ARHGAP30: variants seen among roughly 807,000 people sequenced by gnomAD.
ARHGAP30 encodes rho GTPase-activating protein 30.
In ARHGAP30, 23 loss-of-function variants were observed where a neutral mutation model predicts 72.0. That is an observed-to-expected ratio of 0.32 (90% CI 0.23 to 0.45). The LOEUF (loss-of-function observed/expected upper bound fraction) is 0.45, where lower values mean the gene tolerates loss of function less well. ARHGAP30 is among the 20% of genes least tolerant of loss of function. The pLI is 1.00. For missense variants in ARHGAP30, 1,319 were observed against 1,383.4 expected, an observed-to-expected ratio of 0.95 and a Z score of 0.74; for synonymous variants, 576 against 528.2, an observed-to-expected ratio of 1.09 and a Z score of -1.24.
intron 1 of ARHGAP30, among the ~76,000 whole-genome samples, chr1:161,063,086 T>G (rs1304202212): frequency 6.6e-6 from 1 of 152,236 alleles, no homozygotes; most frequent in African/African-American, 2.4e-5. Context: ...GTGCTGGGAT[T>G]ACAGGCGTGA....
chr1:161,047,860 G>T lies in ARHGAP30; in HGVS notation c.3161C>A (p.Ser1054Tyr), dbSNP rs1281167999. 2 of 1,611,674 alleles carry T rather than the reference G, an allele frequency of 1.2e-6. No homozygotes were observed. Among genetic ancestry groups the T allele is most frequent in the Non-Finnish European group, 1.7e-6 (2 of 1,179,042 alleles). The change falls in exon 12 of 12, where the codon TCT becomes TAT. Residue 1054 changes from serine (S) to tyrosine (Y), a missense_variant. Ser to Tyr is a moderately radical substitution (Grantham distance 144). Coordinates refer to ENST00000368013, the MANE Select transcript of ARHGAP30 (RefSeq NM_001025598.2). Reference sequence around the variant, plus strand: ...GGATCCAGACCCTTCTGCACCTTCAGATGGGAGCTCCAGGCAGCTAAGGGG... The same window carrying T: ...GGATCCAGACCCTTCTGCACCTTCATATGGGAGCTCCAGGCAGCTAAGGGG... ...PRPLSCLELP[S>Y]EGAEGSGSRS...
rs775137758 is a variant in ARHGAP30 at position 161,047,841 on chromosome 1, A to C, written c.3180T>G (p.Ser1060=). 4 of 1,611,582 alleles carry C rather than the reference A, an allele frequency of 2.5e-6. No individual in the cohort carries two copies. The highest frequency in any genetic ancestry group is 1.1e-5 in the South Asian group (1 of 90,720). Residue 1060 remains serine (S), a synonymous_variant, in exon 12 of 12, where the codon TCT becomes TCG. Coordinates refer to ENST00000368013, the MANE Select transcript of ARHGAP30 (RefSeq NM_001025598.2). ...GCAGACTAAGACGACTCCGGGATCC[A>C]GACCCTTCTGCACCTTCAGATGGGA... is the stretch of plus-strand genomic sequence containing the variant. ...LELPSEGAEG[S]GSRSRLSLPP... is the part of the protein sequence containing the mutation.
At chr1:161,064,795 G>GAA (rs1171701383) in intron 1 of ARHGAP30, among the ~76,000 whole-genome samples, 3 of 56,202 alleles carry the variant, frequency 5.3e-5, no homozygotes, top group Non-Finnish European at 9.6e-5. Flanking sequence ...AAGAAAGAAA[G>GAA]AAAGAAAGAA....
rs773189490 is a variant in ARHGAP30, at chr1:161,048,178, T to C, written c.2843A>G (p.Lys948Arg). Reference protein sequence around the residue: ...PVVPPKPQFAKMPSAMCSKIH... With the variant: ...PVVPPKPQFARMPSAMCSKIH... ...CTTGCTACACATTGCACTGGGCATC[T>C]TGGCAAACTGTGGCTTGGGGGGCAC... The change falls in exon 12 of 12, where the codon AAG becomes AGG. Residue 948 changes from lysine to arginine, a missense_variant. Lys to Arg is a conservative substitution (Grantham distance 26). Around this residue, in one of 2 missense-constraint regions of ARHGAP30, gnomAD observed 1,097 missense variants for 1,045.2 expected, o/e 1.05. Transcript: ENST00000368013. 2 of 1,614,198 alleles carry C rather than the reference T, an allele frequency of 1.2e-6. No homozygotes were observed. Among genetic ancestry groups the C allele is most frequent in the East Asian group, 2.2e-5 (1 of 44,884 alleles).
chr1:161,059,145 C>T (rs1295201332), intron 2 of ARHGAP30, among the ~76,000 whole-genome samples: 1 of 151,894 alleles, frequency 6.6e-6, no homozygotes, highest in Non-Finnish European at 1.5e-5. Context: ...TCTCCTGCCT[C>T]AGCCTCCCAA....
At chr1:161,059,777 A>C in intron 1 of ARHGAP30, 61 bp from the exon 2 acceptor site, 1 of 1,421,444 alleles carries the variant, frequency 7.0e-7, no homozygotes. Flanking sequence ...CAAAGACTGC[A>C]CTGGGTCTGA....
In ARHGAP30 at chr1:161,052,726, G is replaced by T; in HGVS notation, c.736C>A (p.Pro246Thr). The T allele has an allele frequency of 6.2e-7, 1 of 1,612,578 alleles. No homozygotes were observed. Among genetic ancestry groups the T allele is most frequent in the Non-Finnish European group, 8.5e-7 (1 of 1,179,996 alleles). ...GGCAGGTGATAAGGCAGTGGCCTGG[G>T]CATAAGGTCCTCGGGGCTGCCTGAT... The part of the protein sequence containing the change: ...RASGSPEDLM[P>T]RPLPYHLPSI... The change falls in exon 7 of 12, where the codon CCC (proline) becomes ACC (threonine). Residue 246 changes from proline (P) to threonine (T), a missense_variant. Pro to Thr is a conservative substitution (Grantham distance 38). This residue lies in a region of ARHGAP30 where 222 missense variants were observed against 338.2 expected (regional missense o/e 0.66). Transcript: ENST00000368013.
intron 9 of ARHGAP30, 101 bp downstream of exon 9, chr1:161,052,184 AT>A: frequency 7.6e-7 from 1 of 1,319,082 alleles, no homozygotes; most frequent in Non-Finnish European, 1.1e-6. Context: ...CTCATTAAAT[AT>A]TTTTTGAAAT....
intron 1 of ARHGAP30, among the ~76,000 whole-genome samples, chr1:161,062,489 T>C (rs1452577273): frequency 1.3e-5 from 2 of 151,886 alleles, no homozygotes; most frequent in Admixed American, 1.3e-4. Context: ...ACCACTTTGG[T>C]AGGCCGAGGT....
At chr1:161,065,818 T>G (rs927325456) in intron 1 of ARHGAP30, among the ~76,000 whole-genome samples, 2 of 151,886 alleles carry the variant, frequency 1.3e-5, no homozygotes, top group African/African-American at 2.4e-5. Flanking sequence ...CCACCCACCT[T>G]GGCTTCCCAA....
At chr1:161,053,206 C>T (rs1454877432) in intron 6 of ARHGAP30, 52 bp downstream of exon 6, 1 of 1,605,784 alleles carries the variant, frequency 6.2e-7, no homozygotes, top group East Asian at 2.2e-5. Context: ...CTCTCTGTAA[C>T]TAACTTGACT....
chr1:161,050,690 G>A (rs990678669), intron 10 of ARHGAP30, among the ~76,000 whole-genome samples: 2 of 151,584 alleles, frequency 1.3e-5, no homozygotes, highest in African/African-American at 4.8e-5. Context: ...GCCCAGGCTA[G>A]AGTGCAGTGG....
chr1:161,057,209 C>A (rs920562568), intron 2 of ARHGAP30, among the ~76,000 whole-genome samples: 3 of 151,026 alleles, frequency 2.0e-5, no homozygotes, highest in African/African-American at 7.3e-5. Context: ...GACTGGCATG[C>A]AGTGGCACGA....
At chr1:161,049,797 C>G (rs1458608613) in intron 10 of ARHGAP30, 108 bp from the exon 11 acceptor site, 1 of 1,406,616 alleles carries the variant, frequency 7.1e-7, no homozygotes, top group Non-Finnish European at 9.6e-7. Flanking sequence ...CCCAGCATTG[C>G]TACTCTGCAT....
At position 161,051,568 on chromosome 1, in the gene ARHGAP30, G is replaced by A. The variant is rs1651372247; in HGVS notation, c.1166C>T (p.Pro389Leu). ...LGGTNSEPGTPRAGRSAIRAG... is the reference protein window; with the variant it reads ...LGGTNSEPGTLRAGRSAIRAG... ...CCGGATGGCTGACCGCCCAGCTCGTGGTGTGCCTGGTTCAGAGTTTGTGCC... is the reference window on the plus strand; with the variant it reads ...CCGGATGGCTGACCGCCCAGCTCGTAGTGTGCCTGGTTCAGAGTTTGTGCC... Residue 389 changes from proline (P) to leucine (L), a missense_variant, in exon 10 of 12, where the codon CCA (proline) becomes CTA (leucine). Transcript: ENST00000368013. 6.2e-7 allele frequency: 1 copy of A among 1,613,950 alleles called. No homozygotes were observed. Among genetic ancestry groups the A allele is most frequent in the Admixed American group, 1.7e-5 (1 of 60,016 alleles).
In ARHGAP30 at chr1:161,052,732, G is replaced by A. The variant is rs1389661988; in HGVS notation, c.730C>T (p.Leu244Phe). Reference sequence around the variant, plus strand: ...TGATAAGGCAGTGGCCTGGGCATAAGGTCCTCGGGGCTGCCTGATGCCCGG... The same window carrying A: ...TGATAAGGCAGTGGCCTGGGCATAAAGTCCTCGGGGCTGCCTGATGCCCGG... ...GTRASGSPEDLMPRPLPYHLP... is the reference protein window; with the variant it reads ...GTRASGSPEDFMPRPLPYHLP... The change falls in exon 7 of 12, where the codon CTT becomes TTT. Residue 244 changes from leucine (L) to phenylalanine (F), a missense_variant. By Grantham distance (22) the Leu-to-Phe change is conservative. Around this residue, in one of 2 missense-constraint regions of ARHGAP30, gnomAD observed 222 missense variants for 338.2 expected, o/e 0.66. Transcript: ENST00000368013. 2 of 1,612,362 alleles carry A rather than the reference G, an allele frequency of 1.2e-6. No homozygotes were observed. Among genetic ancestry groups the A allele is most frequent in the Non-Finnish European group, 1.7e-6 (2 of 1,180,006 alleles).
chr1:161,052,279 T>C lies in ARHGAP30; in HGVS notation c.1018+7A>G. ...ACATACACACAGAAATGCACCCCTA[T>C]ACTCACCATCACTGGCCCCAGCTGC... On this transcript the variant is annotated splice_region_variant and intron_variant, in intron 9 of 11. Coordinates refer to ENST00000368013, the MANE Select transcript of ARHGAP30 (RefSeq NM_001025598.2). 1.2e-6 allele frequency: 2 copies of C among 1,613,720 alleles called. No individual in the cohort carries two copies. The highest frequency in any genetic ancestry group is 1.7e-6 in the Non-Finnish European group (2 of 1,179,992).
rs1297090433 is a variant in ARHGAP30 at position 161,051,436 on chromosome 1, T to G, written c.1298A>C (p.Asn433Thr). ...HITSILSVPP[N>T]IISNVSLARL... ...GGCCAAGGAAACGTTAGAGATGATG[T>G]TCGGGGGCACACTGAGGATAGAGGT... The change falls in exon 10 of 12, where the codon AAC becomes ACC. Residue 433 changes from asparagine to threonine, a missense_variant. Transcript: ENST00000368013. The G allele has an allele frequency of 1.1e-5, 18 of 1,614,064 alleles. No individual in the cohort carries two copies. The highest frequency in any genetic ancestry group is 1.5e-5 in the Non-Finnish European group (18 of 1,180,036).
chr1:161,064,811 G>GAA (rs1180443934), intron 1 of ARHGAP30, among the ~76,000 whole-genome samples: 1 of 65,154 alleles, frequency 1.5e-5, no homozygotes. Flanking sequence ...AAGAAAGAAA[G>GAA]AAAGAAAGAA....
Sources: gnomAD v4.1 joint callset for allele counts (sites outside exome capture counted in the v4.1 genomes callset) on GRCh38, gnomAD v4.1.1 for gene constraint, gnomAD v4.1.1 regional missense constraint, MANE v1.5 for transcripts, NCBI Gene and HGNC (gene_info 2026-07-23, HGNC 2026-07-21) for gene names.